RP1: variants seen among roughly 807,000 people sequenced by gnomAD.
RP1 encodes the protein oxygen-regulated protein 1.
Under a neutral mutation model 14.8 loss-of-function variants are expected in RP1, and 16 were observed. The ratio of observed to expected loss-of-function variants is 1.08; its 90% CI spans 0.73 to 1.65. The LOEUF (loss-of-function observed/expected upper bound fraction) is 1.65. RP1 is among the 40% of genes most tolerant of loss of function. The pLI, the probability that RP1 is intolerant of heterozygous loss-of-function variation, is 0.00. For missense variants in RP1, 2,631 were observed against 2,535.0 expected, an observed-to-expected ratio of 1.04 and a Z score of -0.81; for synonymous variants, 876 against 883.6, an observed-to-expected ratio of 0.99 and a Z score of 0.15.
At chr8:54,808,977 G>A (rs1418968555) in intron 24 of RP1, among the ~76,000 whole-genome samples, 1 of 152,188 alleles carries the variant, frequency 6.6e-6, no homozygotes, top group East Asian at 1.9e-4. Flanking sequence ...TAATGCTAAT[G>A]AAGAAGATAA....
intron 1 of RP1, among the ~76,000 whole-genome samples, chr8:54,619,840 T>C (rs546805772): frequency 6.6e-6 from 1 of 152,368 alleles, no homozygotes; most frequent in Admixed American, 6.5e-5. Context: ...TATCTTAAGA[T>C]GGCTCTTACT....
exon 7 of RP1, chr8:54,663,700 G>A: frequency 6.6e-7 from 1 of 1,512,790 alleles, no homozygotes; most frequent in South Asian, 1.3e-5. Context: ...TGTTGTCAGT[G>A]ACAATATATG....
At chr8:54,858,226 A>C (rs1211128149) in intron 27 of RP1, among the ~76,000 whole-genome samples, 1 of 152,242 alleles carries the variant, frequency 6.6e-6, no homozygotes, top group Non-Finnish European at 1.5e-5. Flanking sequence ...GTGAGGTAGC[A>C]GTGAATAGAA....
chr8:54,776,103 C>T (rs1355925161), intron 23 of RP1, among the ~76,000 whole-genome samples: 2 of 152,088 alleles, frequency 1.3e-5, no homozygotes, highest in African/African-American at 4.8e-5. Context: ...AGCATTTATA[C>T]TGTGTTAGTT....
At chr8:54,808,059 C>T (rs912406073) in intron 24 of RP1, among the ~76,000 whole-genome samples, 7 of 152,080 alleles carry the variant, frequency 4.6e-5, no homozygotes, top group Admixed American at 1.3e-4. Context: ...TGTCAAGTAA[C>T]CACATGCAAT....
At chr8:54,604,805 G>A (rs568220490) in intron 1 of RP1, among the ~76,000 whole-genome samples, 1 of 152,174 alleles carries the variant, frequency 6.6e-6, no homozygotes, top group Non-Finnish European at 1.5e-5. Context: ...ATTTCTTCTA[G>A]ATTTTCTAGT....
rs1327081883 is a variant in RP1, at chr8:54,720,126, TAGGGTAC to T, written c.2213_2219del (p.Gly738GlufsTer13). The T allele has an allele frequency of 7.2e-6, 11 of 1,517,568 alleles. No homozygotes were observed. The East Asian group carries it at 1.7e-4, about 24-fold the overall frequency. The allele number at this position is 1,517,568 out of a possible 1,614,324, so 94.0% of individuals were successfully genotyped here. On this transcript the variant is annotated splice_acceptor_variant and coding_sequence_variant, in exon 16 of 23. Transcript: ENST00000636932. LOFTEE classifies it high-confidence loss of function. ...TTATTGAATCATTTTGTATTGATTGTAGGGTACAGGAGATGTTGACTGTCATTTTAAA... is the reference window on the plus strand; with the variant it reads ...TTATTGAATCATTTTGTATTGATTGTAGGAGATGTTGACTGTCATTTTAAA...
chr8:54,608,675 C>T (rs1805519200), intron 1 of RP1, among the ~76,000 whole-genome samples: 1 of 152,046 alleles, frequency 6.6e-6, no homozygotes, highest in Non-Finnish European at 1.5e-5. Context: ...ACATGTACCT[C>T]TGAACTTAAA....
At chr8:54,667,396 G>A (rs1190621921) in intron 7 of RP1, among the ~76,000 whole-genome samples, 1 of 152,122 alleles carries the variant, frequency 6.6e-6, no homozygotes, top group Non-Finnish European at 1.5e-5. Context: ...GACAGAAAAG[G>A]CAGATAGTTT....
intron 1 of RP1, among the ~76,000 whole-genome samples, chr8:54,604,019 C>T (rs944822749): frequency 1.3e-5 from 2 of 152,182 alleles, no homozygotes; most frequent in South Asian, 2.1e-4. Flanking sequence ...CCTACTTGAA[C>T]ACCCTTTATT....
chr8:54,612,686 G>A (rs1805625701), upstream of RP1, among the ~76,000 whole-genome samples: 1 of 152,160 alleles, frequency 6.6e-6, no homozygotes, highest in African/African-American at 2.4e-5. Context: ...CTCACTTAAA[G>A]TTAAAGCCAA....
At chr8:54,762,970 A>G (rs1809677626) in intron 22 of RP1, among the ~76,000 whole-genome samples, 1 of 152,108 alleles carries the variant, frequency 6.6e-6, no homozygotes, top group Non-Finnish European at 1.5e-5. Flanking sequence ...GACTAGACCC[A>G]TCCTACTCCA....
At chr8:54,747,070 G>A (rs574101092) in intron 19 of RP1, among the ~76,000 whole-genome samples, 4 of 152,042 alleles carry the variant, frequency 2.6e-5, no homozygotes, top group South Asian at 2.1e-4. Context: ...CCTCAATTTT[G>A]TCTATTTTTC....
chr8:54,708,243 G>T (rs1808197486), intron 15 of RP1, among the ~76,000 whole-genome samples: 1 of 152,150 alleles, frequency 6.6e-6, no homozygotes, highest in Admixed American at 6.5e-5. Context: ...GTGGGAAATG[G>T]GTCAACATTG....
chr8:54,652,717 T>G, intron 4 of RP1: 59 of 1,089,590 alleles, frequency 5.4e-5, no homozygotes, highest in Non-Finnish European at 7.3e-5. Flanking sequence ...TGTCCTAATC[T>G]GAGCTGTTTT....
chr8:54,737,486 C>T (rs1808962177), intron 18 of RP1, among the ~76,000 whole-genome samples: 1 of 152,126 alleles, frequency 6.6e-6, no homozygotes, highest in South Asian at 2.1e-4. Flanking sequence ...GTGTGGTTTA[C>T]CTTTTAGAGA....
intron 22 of RP1, chr8:54,759,178 CT>C: frequency 1.0e-6 from 1 of 993,278 alleles, no homozygotes; most frequent in Non-Finnish European, 1.4e-6. Context: ...GTGTGTGTAT[CT>C]TTTAGGTCAC....
intron 1 of RP1, among the ~76,000 whole-genome samples, chr8:54,580,641 C>T (rs554311913): frequency 1.4e-4 from 21 of 148,682 alleles, no homozygotes; most frequent in African/African-American, 4.0e-4. Flanking sequence ...ATTTTTGAGA[C>T]GGAGTCTTGC....
At chr8:54,870,899 T>A (rs1812575955) in exon 29 of RP1, 1 of 152,052 alleles carries the variant, frequency 6.6e-6, no homozygotes, top group Non-Finnish European at 1.5e-5. Context: ...GATGTGACCC[T>A]AGAAGTCTGA....
Sources: gnomAD v4.1 joint callset for allele counts (sites outside exome capture counted in the v4.1 genomes callset) on GRCh38, gnomAD v4.1.1 for gene constraint, MANE v1.5 for transcripts, NCBI Gene and HGNC (gene_info 2026-07-23, HGNC 2026-07-21) for gene names.